IRGC: variants seen among roughly 807,000 people sequenced by gnomAD.
IRGC encodes interferon-inducible GTPase 5.
A neutral mutation model predicts 16.1 loss-of-function variants in IRGC; 4 were observed. The observed-to-expected ratio is 0.25, with a 90% CI of 0.12 to 0.57. The LOEUF (loss-of-function observed/expected upper bound fraction) is 0.57. Ranked by LOEUF, IRGC falls within the 20% of genes least tolerant of loss-of-function variation. IRGC has a pLI of 0.92. For synonymous variants in IRGC, 307 were observed against 299.5 expected, an observed-to-expected ratio of 1.03 and a Z score of -0.26; for missense variants, 570 against 643.9, an observed-to-expected ratio of 0.89 and a Z score of 1.24.
At position 43,716,155 on chromosome 19, in the gene IRGC, G is replaced by A. The variant is rs1375983452; in HGVS notation, c.-67+13G>A. 6.6e-6 allele frequency: 1 copy of A among 152,540 alleles called. No homozygotes were observed. Among genetic ancestry groups the A allele is most frequent in the Non-Finnish European group, 1.5e-5 (1 of 68,310 alleles). 9.4% of individuals were successfully genotyped at this position (152,540 alleles called of 1,614,324 possible). A position where few individuals can be genotyped will look rare whatever the true frequency, so the allele number is the denominator to read the frequency against. ...GCCTGCAGGGCAGGTGAGTCCCCCA[G>A]GGCTCTCTCGCTGGGCCCCTGTGCG... On this transcript the variant is annotated intron_variant, in intron 1 of 1. Coordinates refer to ENST00000244314, the MANE Select transcript of IRGC (RefSeq NM_019612.4).
chr19:43,719,416 G>A lies in IRGC; in HGVS notation c.858G>A (p.Ala286=), dbSNP rs747072003. 2.5e-6 allele frequency: 4 copies of A among 1,606,270 alleles called. No individual in the cohort carries two copies. Among genetic ancestry groups the A allele is most frequent in the Admixed American group, 1.7e-5 (1 of 59,770 alleles). The change falls in exon 2 of 2, where the codon GCG becomes GCA. Residue 286 remains alanine, a synonymous_variant. Coordinates refer to ENST00000244314, the MANE Select transcript of IRGC (RefSeq NM_019612.4). ...AGGCCCTGCCGGTCCCAGGGCTGGC[G>A]GCCGCCTACGATGATGCGTTGCTCA... ...VIQALPVPGL[A]AAYDDALLIH... is the part of the protein sequence containing the mutation.
rs544850842 is a variant in IRGC at position 43,719,011 on chromosome 19, C to T, written c.453C>T (p.Arg151=). The change falls in exon 2 of 2, where the codon CGC becomes CGT. Residue 151 remains arginine (R), a synonymous_variant. Transcript: ENST00000244314. The part of the protein sequence containing the change: ...SPRRCGAVET[R]LAAEILCQGK... ...GCCGCTGCGGGGCCGTCGAGACCCG[C>T]CTGGCCGCTGAGATCCTGTGCCAGG... 6.2e-6 allele frequency: 10 copies of T among 1,612,390 alleles called. No individual in the cohort carries two copies. Among genetic ancestry groups the T allele is most frequent in the Non-Finnish European group, 8.5e-6 (10 of 1,179,734 alleles).
In IRGC at chr19:43,719,116, A is replaced by G; in HGVS notation, c.558A>G (p.Arg186=). 1 of 1,610,226 alleles carries G rather than the reference A, an allele frequency of 6.2e-7. No homozygotes were observed. Among genetic ancestry groups the G allele is most frequent in the South Asian group, 1.1e-5 (1 of 90,912 alleles). Residue 186 remains arginine (R), a synonymous_variant, in exon 2 of 2, where the codon AGA becomes AGG. Transcript: ENST00000244314. ...GCACCCAGCGGCCGTCGGGCTTCAG[A>G]GAGGCCGCTGTCCTGCAGGAGATCC... The part of the protein sequence containing the change: ...ATRTQRPSGF[R]EAAVLQEIRD...
chr19:43,716,387 C>T (rs948012660), intron 1 of IRGC, among the ~76,000 whole-genome samples: 8 of 150,544 alleles, frequency 5.3e-5, no homozygotes, highest in East Asian at 2.0e-4. Flanking sequence ...TTTTCTGAGA[C>T]GGAGTCTCGC....
rs1568586739 is a variant in IRGC, at chr19:43,719,426, GA to G, written c.869del (p.Asp290ValfsTer190). ...GGTCCCAGGGCTGGCGGCCGCCTAC[GA>G]TGATGCGTTGCTCATCCACTCACTG... ...LPVPGLAAAY[D>X]DALLIHSLRG... On this transcript the variant is annotated frameshift_variant, in exon 2 of 2. Coordinates refer to ENST00000244314, the MANE Select transcript of IRGC (RefSeq NM_019612.4). LOFTEE classifies it high-confidence loss of function. 1 of 1,604,880 alleles carries G rather than the reference GA, an allele frequency of 6.2e-7. No homozygotes were observed. Among genetic ancestry groups the G allele is most frequent in the South Asian group, 1.1e-5 (1 of 90,674 alleles).
chr19:43,717,680 T>C (rs1968191657), intron 1 of IRGC, among the ~76,000 whole-genome samples: 1 of 152,218 alleles, frequency 6.6e-6, no homozygotes, highest in Non-Finnish European at 1.5e-5. Context: ...TGTACCACCC[T>C]TTCCTATGCA....
intron 1 of IRGC, among the ~76,000 whole-genome samples, chr19:43,718,152 C>T (rs1968198579): frequency 6.6e-6 from 1 of 152,194 alleles, no homozygotes; most frequent in Non-Finnish European, 1.5e-5. Flanking sequence ...GCACAGAACC[C>T]TCCAGGGCAC....
chr19:43,719,332 G>C lies in IRGC; in HGVS notation c.774G>C (p.Lys258Asn), dbSNP rs2146337091. Residue 258 changes from lysine to asparagine, a missense_variant, in exon 2 of 2, where the codon AAG becomes AAC. Transcript: ENST00000244314. The stretch of plus-strand genomic sequence containing the variant: ...ACATCTCGCTGGAGGCCTTGCAGAA[G>C]AAGAAGGCCATGCTTCAAGAGCAAG... ...LPDISLEALQ[K>N]KKAMLQEQVL... 3 of 1,611,914 alleles carry C rather than the reference G, an allele frequency of 1.9e-6. No individual in the cohort carries two copies. The highest frequency in any genetic ancestry group is 2.2e-5 in the East Asian group (1 of 44,836).
Position 43,719,222 on chromosome 19 carries a change from C to G in IRGC, c.664C>G (p.Arg222Gly), listed in dbSNP as rs760108301. The G allele has an allele frequency of 2.0e-5, 32 of 1,609,038 alleles. 1 individual carries two copies. The South Asian group carries it at 3.4e-4, about 17-fold the overall frequency. Residue 222 changes from arginine to glycine, a missense_variant, in exon 2 of 2, where the codon CGC becomes GGC. Transcript: ENST00000244314. The part of the protein sequence containing the change: ...IFLVSNLSPA[R>G]YDFPTLVSTW... ...CCTGGTGTCCAACCTCTCGCCGGCC[C>G]GCTACGACTTTCCCACGCTGGTGTC...
Position 43,718,982 on chromosome 19 carries a change from C to T in IRGC, c.424C>T (p.Pro142Ser). The change falls in exon 2 of 2, where the codon CCC becomes TCC. Residue 142 changes from proline to serine, a missense_variant. Coordinates refer to ENST00000244314, the MANE Select transcript of IRGC (RefSeq NM_019612.4). ...SRYDFFLLVS[P>S]RRCGAVETRL... ...CTATGACTTCTTCCTGCTGGTCTCCCCCCGCCGCTGCGGGGCCGTCGAGAC... is the reference window on the plus strand; with the variant it reads ...CTATGACTTCTTCCTGCTGGTCTCCTCCCGCCGCTGCGGGGCCGTCGAGAC... 6.2e-7 allele frequency: 1 copy of T among 1,610,238 alleles called. No individual in the cohort carries two copies. The highest frequency in any genetic ancestry group is 8.5e-7 in the Non-Finnish European group (1 of 1,178,772).
At chr19:43,718,065 T>A (rs941146499) in intron 1 of IRGC, among the ~76,000 whole-genome samples, 1 of 152,004 alleles carries the variant, frequency 6.6e-6, no homozygotes, top group African/African-American at 2.4e-5. Flanking sequence ...AGACCCTGTC[T>A]CAAACAAACA....
Position 43,719,059 on chromosome 19 carries a change from C to G in IRGC, c.501C>G (p.Arg167=). Residue 167 remains arginine, a synonymous_variant, in exon 2 of 2, where the codon CGC becomes CGG. Transcript: ENST00000244314. The stretch of plus-strand genomic sequence containing the variant: ...AGGGCAAGAAGTTCTACTTTGTGCG[C>G]ACCAAGGTGGACGAGGACCTGGCGG... ...LCQGKKFYFV[R]TKVDEDLAAT... The G allele has an allele frequency of 6.2e-7, 1 of 1,612,386 alleles. No homozygotes were observed. Among genetic ancestry groups the G allele is most frequent in the Non-Finnish European group, 8.5e-7 (1 of 1,179,564 alleles).
intron 1 of IRGC, 30 bp downstream of exon 1, chr19:43,716,172 C>T (rs896605395): frequency 2.0e-5 from 3 of 152,398 alleles, no homozygotes; most frequent in African/African-American, 7.2e-5. Flanking sequence ...CTCGCTGGGC[C>T]CCTGTGCGTG....
rs1369332883 is a variant in IRGC, at chr19:43,718,514, G to A, written c.-45G>A. The stretch of plus-strand genomic sequence containing the variant: ...GCAGGCGCTGAGGATCACGCATCCT[G>A]TGACTCTCCCCTGTCCCCCGCCACC... On this transcript the variant is annotated 5_prime_UTR_variant, in exon 2 of 2. In the 5' UTR this introduces an upstream ATG that the reference lacks. Coordinates refer to ENST00000244314, the MANE Select transcript of IRGC (RefSeq NM_019612.4). 6.6e-7 allele frequency: 1 copy of A among 1,523,530 alleles called. No individual in the cohort carries two copies. The highest frequency in any genetic ancestry group is 2.3e-5 in the East Asian group (1 of 44,074). 94.4% of individuals were successfully genotyped at this position (1,523,530 alleles called of 1,614,324 possible).
In IRGC at chr19:43,719,980, C is replaced by T. The variant is rs1968249518; in HGVS notation, c.*30C>T. 1 of 1,609,518 alleles carries T rather than the reference C, an allele frequency of 6.2e-7. No homozygotes were observed. The highest frequency in any genetic ancestry group is 1.1e-5 in the South Asian group (1 of 90,824). On this transcript the variant is annotated 3_prime_UTR_variant, in exon 2 of 2. Coordinates refer to ENST00000244314, the MANE Select transcript of IRGC (RefSeq NM_019612.4). ...TGCAGCCCCGCCCCCCTGCCTCACC[C>T]ACAAACTAAGTCTTAACAAAATCCA...
At position 43,719,615 on chromosome 19, in the gene IRGC, G is replaced by A. The variant is rs768121065; in HGVS notation, c.1057G>A (p.Gly353Ser). The change falls in exon 2 of 2, where the codon GGC becomes AGC. Residue 353 changes from glycine to serine, a missense_variant. Physicochemically the swap from Gly to Ser is moderately conservative, Grantham distance 56 (BLOSUM62 0). Coordinates refer to ENST00000244314, the MANE Select transcript of IRGC (RefSeq NM_019612.4). ...GCGGCTCTATTCCCAGTCGTCCGAC[G>A]GCGCCATGCGGGTGGCCCGCGCCTT... ...VLRLYSQSSDGAMRVARAFER... is the reference protein window; with the variant it reads ...VLRLYSQSSDSAMRVARAFER... 1.2e-5 allele frequency: 19 copies of A among 1,603,810 alleles called. No homozygotes were observed. The highest frequency in any genetic ancestry group is 1.4e-5 in the Non-Finnish European group (17 of 1,179,898).
Position 43,719,029 on chromosome 19 carries a change from G to A in IRGC, c.471G>A (p.Leu157=), listed in dbSNP as rs996914122. The A allele has an allele frequency of 3.7e-6, 6 of 1,612,760 alleles. No homozygotes were observed. Among genetic ancestry groups the A allele is most frequent in the Non-Finnish European group, 5.1e-6 (6 of 1,179,890 alleles). Residue 157 remains leucine (L), a synonymous_variant, in exon 2 of 2, where the codon CTG becomes CTA. Coordinates refer to ENST00000244314, the MANE Select transcript of IRGC (RefSeq NM_019612.4). ...AGACCCGCCTGGCCGCTGAGATCCT[G>A]TGCCAGGGCAAGAAGTTCTACTTTG... The part of the protein sequence containing the change: ...AVETRLAAEI[L]CQGKKFYFVR...
In IRGC at chr19:43,719,217, C is replaced by T. The variant is rs749714322; in HGVS notation, c.659C>T (p.Pro220Leu). 1.6e-5 allele frequency: 25 copies of T among 1,608,564 alleles called. No individual in the cohort carries two copies. The highest frequency in any genetic ancestry group is 1.6e-4 in the Middle Eastern group (1 of 6,062). The change falls in exon 2 of 2, where the codon CCG (proline) becomes CTG (leucine). Residue 220 changes from proline (P) to leucine (L), a missense_variant. Transcript: ENST00000244314. ...PRIFLVSNLS[P>L]ARYDFPTLVS... ...ATCTTCCTGGTGTCCAACCTCTCGC[C>T]GGCCCGCTACGACTTTCCCACGCTG...
Position 43,720,017 on chromosome 19 carries a change from A to G in IRGC, c.*67A>G, listed in dbSNP as rs1968250248. The G allele has an allele frequency of 6.4e-7, 1 of 1,555,556 alleles. No homozygotes were observed. Among genetic ancestry groups the G allele is most frequent in the Non-Finnish European group, 8.8e-7 (1 of 1,139,302 alleles). ...CTTAACAAAATCCAAATTACCAACAAAAAAGGCCGATGTGGTGAATGTGAG... is the reference window on the plus strand; with the variant it reads ...CTTAACAAAATCCAAATTACCAACAGAAAAGGCCGATGTGGTGAATGTGAG... On this transcript the variant is annotated 3_prime_UTR_variant, in exon 2 of 2. Coordinates refer to ENST00000244314, the MANE Select transcript of IRGC (RefSeq NM_019612.4).
Sources: allele counts gnomAD v4.1 joint callset (sites outside exome capture counted in the v4.1 genomes callset), GRCh38; gene constraint gnomAD v4.1.1; transcripts MANE v1.5; gene names NCBI Gene and HGNC (gene_info 2026-07-23, HGNC 2026-07-21).